The following PTPRN2 variants were observed in gnomAD, a reference collection of about 807,000 sequenced individuals.
PTPRN2 encodes the protein protein tyrosine phosphatase receptor type N2.
A neutral mutation model predicts 118.8 loss-of-function variants in PTPRN2; 74 were observed. That is an observed-to-expected ratio of 0.62 (90% CI 0.52 to 0.76). The LOEUF (loss-of-function observed/expected upper bound fraction) is 0.76, where lower values mean the gene tolerates loss of function less well. PTPRN2 is among the 30% of genes least tolerant of loss of function. PTPRN2 has a pLI of 0.00. For synonymous variants in PTPRN2, 641 were observed against 608.0 expected, an observed-to-expected ratio of 1.05 and a Z score of -0.80; for missense variants, 1,481 against 1,394.4, an observed-to-expected ratio of 1.06 and a Z score of -0.99.
chr7:158,093,413 G>C lies in PTPRN2; in HGVS notation c.1644-12036C>G, dbSNP rs1163871302. On this transcript the variant is annotated intron_variant, in intron 10 of 22. Transcript: ENST00000389418. The surrounding 1 kb of genome is among the most constrained non-coding windows in gnomAD (Gnocchi z 4.4). Reference sequence around the variant, plus strand: ...ACTGTCCTTTCCTGACTCTGTCGCTGGACCGACCCCCACACTGTTTGTGCT... The same window carrying C: ...ACTGTCCTTTCCTGACTCTGTCGCTCGACCGACCCCCACACTGTTTGTGCT... Among the ~76,000 whole-genome samples, 1 of 152,136 alleles carries C rather than the reference G, an allele frequency of 6.6e-6. No homozygotes were observed. The highest frequency in any genetic ancestry group is 1.5e-5 in the Non-Finnish European group (1 of 68,040).
At chr7:157,720,200 C>T (rs554344528) in intron 12 of PTPRN2, among the ~76,000 whole-genome samples, 34 of 152,146 alleles carry the variant, frequency 2.2e-4, no homozygotes, top group African/African-American at 5.6e-4. Flanking sequence ...GCAGTGTTAG[C>T]GAGAGACGCT....
At chr7:158,043,171 C>T (rs1404956693) in intron 11 of PTPRN2, among the ~76,000 whole-genome samples, 1 of 152,016 alleles carries the variant, frequency 6.6e-6, no homozygotes, top group Non-Finnish European at 1.5e-5. Context: ...CATAGCAAGA[C>T]CCCATCTCAT....
At position 158,205,731 on chromosome 7, in the gene PTPRN2, C is replaced by G. The variant is rs189140470; in HGVS notation, c.278-458G>C. Among the ~76,000 whole-genome samples, 8 of 152,246 alleles carry G rather than the reference C, an allele frequency of 5.3e-5. No individual in the cohort carries two copies. In the East Asian group the frequency reaches 1.5e-3, roughly 29 times the overall value. ...GCTGATGTCACCCCTCACCCATCCCCCTGCAGTGGCTGTGTGCCCCAGAGA... is the reference window on the plus strand; with the variant it reads ...GCTGATGTCACCCCTCACCCATCCCGCTGCAGTGGCTGTGTGCCCCAGAGA... On this transcript the variant is annotated intron_variant, in intron 3 of 22. Transcript: ENST00000389418.
At chr7:157,646,440 G>C (rs1188525388) in intron 14 of PTPRN2, among the ~76,000 whole-genome samples, 1 of 152,122 alleles carries the variant, frequency 6.6e-6, no homozygotes, top group East Asian at 1.9e-4. Flanking sequence ...GCCTCCCCAG[G>C]AGCAGAGGCC....
chr7:157,884,968 T>C (rs1271931249), intron 12 of PTPRN2, among the ~76,000 whole-genome samples: 1 of 152,200 alleles, frequency 6.6e-6, no homozygotes, highest in African/African-American at 2.4e-5. Context: ...CCCGTTTCTC[T>C]GGGTATGGCT....
chr7:158,492,750 C>T (rs981234025), intron 1 of PTPRN2, among the ~76,000 whole-genome samples: 1 of 152,238 alleles, frequency 6.6e-6, no homozygotes, highest in Non-Finnish European at 1.5e-5. Context: ...GTATCAGCCA[C>T]CTACTAATAG....
At chr7:157,814,769 T>C (rs760179212) in intron 12 of PTPRN2, among the ~76,000 whole-genome samples, 9 of 152,156 alleles carry the variant, frequency 5.9e-5, no homozygotes, top group Non-Finnish European at 1.3e-4. Flanking sequence ...TATTTGAAAA[T>C]GTTTCTAAAA....
At chr7:158,129,696 G>A (rs760144565) in intron 9 of PTPRN2, among the ~76,000 whole-genome samples, 6 of 152,174 alleles carry the variant, frequency 3.9e-5, no homozygotes, top group South Asian at 4.1e-4. Context: ...CATAGGAATC[G>A]GTCATGATAA....
rs1161987995 is a variant in PTPRN2 at position 157,779,948 on chromosome 7, T to C, written c.1789-97011A>G. 1.3e-5 allele frequency among the ~76,000 whole-genome samples: 2 copies of C among 152,216 alleles called. No individual in the cohort carries two copies. The highest frequency in any genetic ancestry group is 4.8e-5 in the African/African-American group (2 of 41,452). ...GGAATGGAAAACTCTCAGACTGCTG[T>C]GTCCACACGGGTTAATAAAAATGCT... is the stretch of plus-strand genomic sequence containing the variant. On this transcript the variant is annotated intron_variant, in intron 12 of 22. Coordinates refer to ENST00000389418, the MANE Select transcript of PTPRN2 (RefSeq NM_002847.5). This position sits in a 1 kb window ranked among gnomAD's most constrained non-coding sequence, Gnocchi z 4.7.
At chr7:158,116,087 C>T (rs1816705893) in intron 9 of PTPRN2, among the ~76,000 whole-genome samples, 1 of 152,216 alleles carries the variant, frequency 6.6e-6, no homozygotes, top group Admixed American at 6.5e-5. Context: ...CACCATGCAC[C>T]TCTCCCTGCA....
chr7:157,742,641 G>A (rs1452652281), intron 12 of PTPRN2, among the ~76,000 whole-genome samples: 1 of 152,178 alleles, frequency 6.6e-6, no homozygotes, highest in African/African-American at 2.4e-5. Context: ...AGAATCTAGG[G>A]TGGGGGACTG....
At chr7:157,918,839 G>C (rs1188309688) in intron 11 of PTPRN2, among the ~76,000 whole-genome samples, 1 of 152,244 alleles carries the variant, frequency 6.6e-6, no homozygotes, top group Non-Finnish European at 1.5e-5. Flanking sequence ...GCCACTCGCA[G>C]CCTGAGGGAC....
intron 13 of PTPRN2, among the ~76,000 whole-genome samples, chr7:157,664,200 G>A (rs1013495163): frequency 1.3e-5 from 2 of 152,248 alleles, no homozygotes; most frequent in Non-Finnish European, 2.9e-5. Flanking sequence ...GGTGCTGAAC[G>A]GAGGCGTGAG....
chr7:157,915,436 AC>A lies in PTPRN2; in HGVS notation c.1724-16700del, dbSNP rs764350389. ...GGTTAATGTCCTAAGGGAAAATGCC[AC>A]CCCCCCACCCCCGCCTTCCCCGCCA... On this transcript the variant is annotated intron_variant, in intron 11 of 22. Coordinates refer to ENST00000389418, the MANE Select transcript of PTPRN2 (RefSeq NM_002847.5). Among the ~76,000 whole-genome samples, 6 of 82,892 alleles carry A rather than the reference AC, an allele frequency of 7.2e-5. No individual in the cohort carries two copies. The South Asian group carries it at 1.4e-3, about 19-fold the overall frequency. 54.4% of individuals were successfully genotyped at this position (82,892 alleles called of 152,430 possible).
intron 10 of PTPRN2, among the ~76,000 whole-genome samples, chr7:158,089,888 A>G (rs180824196): frequency 3.0e-5 from 2 of 66,404 alleles, no homozygotes; most frequent in African/African-American, 3.8e-5. Flanking sequence ...CTGACGAAAG[A>G]GGGAGTCTTC....
chr7:158,374,715 G>A (rs1010915286), intron 2 of PTPRN2, among the ~76,000 whole-genome samples: 7 of 152,252 alleles, frequency 4.6e-5, no homozygotes, highest in South Asian at 2.1e-4. Context: ...AATGCCCTGC[G>A]GAAATCCAGA....
intron 1 of PTPRN2, among the ~76,000 whole-genome samples, chr7:158,562,082 G>T (rs1314340424): frequency 2.0e-5 from 3 of 152,226 alleles, no homozygotes; most frequent in Admixed American, 1.3e-4. Flanking sequence ...GTCAGGAAAT[G>T]TCTTAGCTGG....
intron 15 of PTPRN2, among the ~76,000 whole-genome samples, chr7:157,605,701 A>G (rs1801964055): frequency 6.6e-6 from 1 of 152,160 alleles, no homozygotes; most frequent in African/African-American, 2.4e-5. Context: ...GCTCCTAGCA[A>G]AGGGGAGGCT....
rs188272960 is a variant in PTPRN2 at position 157,729,442 on chromosome 7, C to T, written c.1789-46505G>A. On this transcript the variant is annotated intron_variant, in intron 12 of 22. Transcript: ENST00000389418. This position sits in a 1 kb window ranked among gnomAD's most constrained non-coding sequence, Gnocchi z 4.3. ...TCTTCAGCAGCTCCGTGCATAGGGACTCCTGGGAAGACTTCTCTTTGAGGA... is the reference window on the plus strand; with the variant it reads ...TCTTCAGCAGCTCCGTGCATAGGGATTCCTGGGAAGACTTCTCTTTGAGGA... 7.2e-5 allele frequency among the ~76,000 whole-genome samples: 11 copies of T among 152,260 alleles called. No homozygotes were observed. Among genetic ancestry groups the T allele is most frequent in the Admixed American group, 7.2e-4 (11 of 15,304 alleles).
Sources: gnomAD v4.1 joint callset for allele counts (sites outside exome capture counted in the v4.1 genomes callset) on GRCh38, gnomAD v4.1.1 for gene constraint, Gnocchi (gnomAD v3.1) non-coding constraint, MANE v1.5 for transcripts, NCBI Gene and HGNC (gene_info 2026-07-23, HGNC 2026-07-21) for gene names.